Variants in KLHL25 observed in about 807,000 individuals in gnomAD.
KLHL25 encodes the protein kelch-like protein 25.
In KLHL25, 41 loss-of-function variants were observed where a neutral mutation model predicts 30.0. That is an observed-to-expected ratio of 1.37 (90% CI 1.07 to 1.78). KLHL25 has a LOEUF of 1.78. KLHL25 is among the 40% of genes most tolerant of loss of function. The pLI is 0.00. For synonymous variants in KLHL25, 399 were observed against 355.3 expected (o/e 1.12, Z -1.38); for missense variants, 971 against 824.5 (o/e 1.18, Z -2.18).
At chr15:85,765,882 G>C (rs552797166) in intron 2 of KLHL25, among the ~76,000 whole-genome samples, 1 of 152,000 alleles carries the variant, frequency 6.6e-6, no homozygotes, top group East Asian at 1.9e-4. Context: ...AAGAAAACTG[G>C]TGTTCCTATT....
At chr15:85,784,241 A>G (rs1198833296) in intron 1 of KLHL25, among the ~76,000 whole-genome samples, 1 of 152,186 alleles carries the variant, frequency 6.6e-6, no homozygotes, top group Non-Finnish European at 1.5e-5. Context: ...CCTTAAAAGC[A>G]GAGTTGGCTG....
At position 85,759,537 on chromosome 15, in the gene KLHL25, T is replaced by C. The variant is rs1227381628; in HGVS notation, c.*1499A>G. The stretch of plus-strand genomic sequence containing the variant: ...CCCCTGGGACCACAGCCAAGTGCCT[T>C]CGGGCAGCTGGCCTGACACAGGCGG... On this transcript the variant is annotated 3_prime_UTR_variant, in exon 3 of 3. Transcript: ENST00000337975. 1 of 152,320 alleles carries C rather than the reference T, an allele frequency of 6.6e-6. No individual in the cohort carries two copies. The highest frequency in any genetic ancestry group is 2.4e-5 in the African/African-American group (1 of 41,454). 9.4% of individuals were successfully genotyped at this position (152,320 alleles called of 1,614,324 possible).
chr15:85,768,997 A>G lies in KLHL25; in HGVS notation c.814T>C (p.Cys272Arg), dbSNP rs1385884843. The change falls in exon 2 of 3, where the codon TGC becomes CGC. Residue 272 changes from cysteine to arginine, a missense_variant. Transcript: ENST00000337975. ...TCATTCTGCAGGATCCTGGTCTTGC[A>G]GCGCAGGGCCTCATCCATGATAAGC... ...TKLIMDEALR[C>R]KTRILQNDGV... The G allele has an allele frequency of 6.2e-7, 1 of 1,612,320 alleles. No individual in the cohort carries two copies. The highest frequency in any genetic ancestry group is 8.5e-7 in the Non-Finnish European group (1 of 1,179,926).
At position 85,789,914 on chromosome 15, in the gene KLHL25, C is replaced by T. The variant is rs1009555664; in HGVS notation, c.-11+4852G>A. On this transcript the variant is annotated intron_variant, in intron 1 of 2. Coordinates refer to ENST00000337975, the MANE Select transcript of KLHL25 (RefSeq NM_022480.4). This position sits in a 1 kb window ranked among gnomAD's most constrained non-coding sequence, Gnocchi z 4.1. The stretch of plus-strand genomic sequence containing the variant: ...GCCAGAGGCTCAAGGAGAACAGCCC[C>T]GTCCCTTTGGAGTTACTGGGAAAAT... Among the ~76,000 whole-genome samples the T allele has an allele frequency of 6.6e-6, 1 of 152,168 alleles. No homozygotes were observed. The highest frequency in any genetic ancestry group is 2.4e-5 in the African/African-American group (1 of 41,424).
At chr15:85,779,896 C>G (rs1461535850) in intron 1 of KLHL25, among the ~76,000 whole-genome samples, 1 of 152,322 alleles carries the variant, frequency 6.6e-6, no homozygotes, top group East Asian at 1.9e-4. Flanking sequence ...AAAACTAATG[C>G]CTTTTGCTTC....
chr15:85,769,147 G>C lies in KLHL25; in HGVS notation c.664C>G (p.Leu222Val), dbSNP rs1481963539. 7 of 1,612,104 alleles carry C rather than the reference G, an allele frequency of 4.3e-6. No homozygotes were observed. Among genetic ancestry groups the C allele is most frequent in the East Asian group, 2.2e-5 (1 of 44,832 alleles). The part of the protein sequence containing the change: ...EAILQWVKHD[L>V]EPRKVHLPEL... ...GGCAAGTGGACCTTCCGTGGCTCCA[G>C]GTCGTGCTTCACCCACTGGAGGATG... Residue 222 changes from leucine to valine, a missense_variant, in exon 2 of 3, where the codon CTG (leucine) becomes GTG (valine). By Grantham distance (32) the Leu-to-Val change is conservative (BLOSUM62 1). Transcript: ENST00000337975.
At chr15:85,788,152 C>T (rs951877534) in intron 1 of KLHL25, among the ~76,000 whole-genome samples, 4 of 151,898 alleles carry the variant, frequency 2.6e-5, no homozygotes, top group African/African-American at 7.3e-5. Context: ...TCCTCAGTCT[C>T]TCCCTGCACC....
chr15:85,783,411 G>C (rs2089758058), intron 1 of KLHL25, among the ~76,000 whole-genome samples: 1 of 151,898 alleles, frequency 6.6e-6, no homozygotes, highest in Non-Finnish European at 1.5e-5. Flanking sequence ...AACATCTTAG[G>C]CCAGGAGTGA....
chr15:85,772,408 G>A (rs549272642), intron 1 of KLHL25, among the ~76,000 whole-genome samples: 1 of 152,270 alleles, frequency 6.6e-6, no homozygotes, highest in Admixed American at 6.5e-5. Context: ...CCCTGCCAGA[G>A]GGGAGGCTGG....
Position 85,789,221 on chromosome 15 carries a change from T to G in KLHL25, c.-11+5545A>C, listed in dbSNP as rs1415479915. 6.6e-6 allele frequency among the ~76,000 whole-genome samples: 1 copy of G among 152,124 alleles called. No individual in the cohort carries two copies. Among genetic ancestry groups the G allele is most frequent in the Non-Finnish European group, 1.5e-5 (1 of 68,016 alleles). The stretch of plus-strand genomic sequence containing the variant: ...GAAGGCTCCTCCTGGCAGAGATGGG[T>G]GGGGAGTGACACCTAAGGTGAATGT... On this transcript the variant is annotated intron_variant, in intron 1 of 2. Transcript: ENST00000337975. This position sits in a 1 kb window ranked among gnomAD's most constrained non-coding sequence, Gnocchi z 4.1.
rs2089644512 is a variant in KLHL25 at position 85,768,772 on chromosome 15, C to G, written c.1039G>C (p.Gly347Arg). ...AIGCKVYVTG[G>R]RGSENGVSKD... ...GAGACCCCGTTCTCGGAGCCCCTGC[C>G]CCCCGTCACATAGACCTTGCAGCCG... Residue 347 changes from glycine (G) to arginine (R), a missense_variant, in exon 2 of 3, where the codon GGC (glycine) becomes CGC (arginine). Coordinates refer to ENST00000337975, the MANE Select transcript of KLHL25 (RefSeq NM_022480.4). 1.2e-6 allele frequency: 2 copies of G among 1,613,060 alleles called. No individual in the cohort carries two copies. The highest frequency in any genetic ancestry group is 1.7e-6 in the Non-Finnish European group (2 of 1,179,940).
rs34688793 is a variant in KLHL25, at chr15:85,783,694, T to TA, written c.-11+11071dup. Among the ~76,000 whole-genome samples, 353 of 136,452 alleles carry TA rather than the reference T, an allele frequency of 2.6e-3. 3 individuals are homozygous for TA. Among genetic ancestry groups the TA allele is most frequent in the African/African-American group, 8.2e-3 (297 of 36,396 alleles). The allele number at this position is 136,452 out of a possible 152,430, so 89.5% of individuals were successfully genotyped here. On this transcript the variant is annotated intron_variant, in intron 1 of 2. Transcript: ENST00000337975. ...GTGACAGAGCAAGACTCCACCTCAA[T>TA]AAAAAAAAAAAAAAAAAAGAATTTT... is the stretch of plus-strand genomic sequence containing the variant.
At chr15:85,763,144 T>TCC (rs1309054094) in intron 2 of KLHL25, 6 of 152,494 alleles carry the variant, frequency 3.9e-5, no homozygotes, top group Non-Finnish European at 8.8e-5. Flanking sequence ...CACAGCAAGA[T>TCC]CACCCTTAGT....
intron 1 of KLHL25, among the ~76,000 whole-genome samples, chr15:85,774,958 C>T (rs2089700506): frequency 6.6e-6 from 1 of 150,858 alleles, no homozygotes; most frequent in Non-Finnish European, 1.5e-5. Flanking sequence ...CTCACTGCAA[C>T]CTCCGACTCC....
intron 1 of KLHL25, among the ~76,000 whole-genome samples, chr15:85,785,180 G>T (rs2089773156): frequency 7.1e-6 from 1 of 140,574 alleles, no homozygotes; most frequent in Non-Finnish European, 1.5e-5. Flanking sequence ...TGCCAGCTCC[G>T]CCTCCCGGGT....
intron 2 of KLHL25, among the ~76,000 whole-genome samples, chr15:85,764,696 T>C (rs1443368585): frequency 2.0e-5 from 3 of 152,142 alleles, no homozygotes; most frequent in Non-Finnish European, 4.4e-5. Context: ...AGGGAGGGGC[T>C]AAGCAGAGAC....
rs559292512 is a variant in KLHL25 at position 85,784,849 on chromosome 15, A to T, written c.-11+9917T>A. 4.1e-4 allele frequency among the ~76,000 whole-genome samples: 63 copies of T among 152,340 alleles called. 2 individuals carry two copies. In the South Asian group the frequency reaches 0.013, roughly 31 times the overall value. On this transcript the variant is annotated intron_variant, in intron 1 of 2. Transcript: ENST00000337975. Reference sequence around the variant, plus strand: ...GTAGAGAACCCAGTCAGGCCAGCCCAGACTTCCAGCCTACAGAACTGTGCA... The same window carrying T: ...GTAGAGAACCCAGTCAGGCCAGCCCTGACTTCCAGCCTACAGAACTGTGCA...
At chr15:85,790,903 TA>T (rs34101416) in intron 1 of KLHL25, among the ~76,000 whole-genome samples, 31,715 of 139,206 alleles carry the variant, frequency 0.23, 3,443 homozygotes, top group African/African-American at 0.28. Context: ...AGCTGCCATT[TA>T]AAAAAAAAAA....
rs116689499 is a variant in KLHL25, at chr15:85,777,288, C to T, written c.-10-7468G>A. ...CAATAGCACAGAACCACAGCCCTTC[C>T]GCAGCCTCTGACAGTGCATACAGTG... is the stretch of plus-strand genomic sequence containing the variant. On this transcript the variant is annotated intron_variant, in intron 1 of 2. Transcript: ENST00000337975. 3.2e-3 allele frequency among the ~76,000 whole-genome samples: 483 copies of T among 152,354 alleles called. 2 individuals are homozygous for T. Among genetic ancestry groups the T allele is most frequent in the African/African-American group, 0.011 (455 of 41,574 alleles).
Sources: gnomAD v4.1 joint callset for allele counts (sites outside exome capture counted in the v4.1 genomes callset) on GRCh38, gnomAD v4.1.1 for gene constraint, Gnocchi (gnomAD v3.1) non-coding constraint, MANE v1.5 for transcripts, NCBI Gene and HGNC (gene_info 2026-07-23, HGNC 2026-07-21) for gene names.